The following KLHL13 variants were observed in gnomAD, a reference collection of about 807,000 sequenced individuals.
The protein encoded by KLHL13 is kelch-like protein 13.
In KLHL13, 10 loss-of-function variants were observed where a neutral mutation model predicts 37.1. The observed-to-expected ratio is 0.27, with a 90% CI of 0.17 to 0.46. KLHL13 has a LOEUF of 0.46. Ranked by LOEUF, KLHL13 falls within the 20% of genes least tolerant of loss-of-function variation. The pLI is 1.00. For missense variants in KLHL13, 360 were observed against 509.3 expected, an observed-to-expected ratio of 0.71 and a Z score of 2.82; for synonymous variants, 163 against 181.2, an observed-to-expected ratio of 0.90 and a Z score of 0.81.
exon 5 of KLHL13, chrX:117,909,860 C>A (rs1430328357): frequency 8.3e-7 from 1 of 1,206,445 alleles, no homozygotes; most frequent in African/African-American, 1.7e-5. Context: ...CCATCCGAGG[C>A]TCTTCCAGGC....
chrX:117,985,094 A>T, intron 1 of KLHL13: 1 of 376,324 alleles, frequency 2.7e-6, no homozygotes, highest in Non-Finnish European at 4.5e-6. Flanking sequence ...TGATTTTTGC[A>T]TGGTTACCAA....
At position 118,035,360 on chromosome X, in the gene KLHL13, C is replaced by A. The variant is rs180682652; in HGVS notation, c.-56+81148G>T. 7.6e-3 allele frequency among the ~76,000 whole-genome samples: 820 copies of A among 107,192 alleles called. 2 individuals carry two copies. The highest frequency in any genetic ancestry group is 0.014 in the Admixed American group (140 of 10,270). The allele number at this position is 107,192 out of a possible 115,157, so 93.1% of individuals were successfully genotyped here. On this transcript the variant is annotated intron_variant, in intron 1 of 6. Coordinates refer to the KLHL13 transcript ENST00000371882. ...AATCCTCAATAAAATACTGGCAAAC[C>A]AAACCCAGCAGCACATCAAAAAGCT...
chrX:118,000,985 G>A (rs1432438242), intron 1 of KLHL13, among the ~76,000 whole-genome samples: 2 of 111,845 alleles, frequency 1.8e-5, no homozygotes, highest in Admixed American at 1.9e-4. Context: ...GATTAACATC[G>A]TAAATTTAAT....
At chrX:117,985,703 C>T (rs1227738828) in intron 1 of KLHL13, among the ~76,000 whole-genome samples, 1 of 110,448 alleles carries the variant, frequency 9.1e-6, no homozygotes, top group Non-Finnish European at 1.9e-5. Flanking sequence ...TGAAAGTAAC[C>T]TTATTTTTTT....
intron 4 of KLHL13, 74 bp downstream of exon 5, chrX:117,919,447 A>G: frequency 2.4e-6 from 2 of 831,972 alleles, no homozygotes; most frequent in South Asian, 4.3e-5. Context: ...ATTCCTGCAC[A>G]GCAGATTTCA....
intron 1 of KLHL13, among the ~76,000 whole-genome samples, chrX:117,963,508 A>G (rs1222493195): frequency 9.0e-6 from 1 of 110,538 alleles, no homozygotes; most frequent in African/African-American, 3.3e-5. Context: ...TGCTATTGTG[A>G]ATAGTGCCGC....
intron 1 of KLHL13, among the ~76,000 whole-genome samples, chrX:118,111,658 C>T (rs945327488): frequency 3.6e-5 from 4 of 112,319 alleles, no homozygotes; most frequent in East Asian, 2.8e-4. Flanking sequence ...TTTGGGAGGC[C>T]GAGGCAGGTG....
At position 117,972,732 on chromosome X, in the gene KLHL13, T is replaced by C. The variant is rs1187274227; in HGVS notation, c.97A>G (p.Ile33Val). 1 of 1,195,682 alleles carries C rather than the reference T, an allele frequency of 8.4e-7. No homozygotes were observed. The highest frequency in any genetic ancestry group is 1.1e-6 in the Non-Finnish European group (1 of 881,903). Residue 33 changes from isoleucine (I) to valine (V), a missense_variant and splice_region_variant, in exon 1 of 7, where the codon ATA becomes GTA. This residue lies in a region of KLHL13 where 194 missense variants were observed against 225.0 expected (regional missense o/e 0.86). Transcript: ENST00000262820. ...AATATCCTATTTTCTCTCACTTACA[T>C]GTATGCTGGAGAAAGTGGAGTTGAC...
chrX:118,018,118 T>C (rs1434161501), intron 1 of KLHL13, among the ~76,000 whole-genome samples: 2 of 111,657 alleles, frequency 1.8e-5, no homozygotes, highest in African/African-American at 6.5e-5. Flanking sequence ...TAAAACTTCA[T>C]ATAGGGTAAA....
chrX:118,085,263 G>T (rs1269886117), intron 1 of KLHL13, among the ~76,000 whole-genome samples: 1 of 110,589 alleles, frequency 9.0e-6, no homozygotes, highest in Admixed American at 9.7e-5. Context: ...TTATGCTAAG[G>T]GAAAGAAGCC....
At chrX:118,059,219 G>A (rs1439392035) in intron 1 of KLHL13, among the ~76,000 whole-genome samples, 1 of 111,762 alleles carries the variant, frequency 8.9e-6, no homozygotes, top group East Asian at 2.8e-4. Context: ...CCATGAGTCA[G>A]CAGGAAAAAA....
At chrX:118,009,126 G>A (rs1453421345) in intron 1 of KLHL13, among the ~76,000 whole-genome samples, 1 of 85,800 alleles carries the variant, frequency 1.2e-5, no homozygotes, top group Admixed American at 1.3e-4. Flanking sequence ...ATTTGTTTGA[G>A]TTCATTGTAG....
rs749879869 is a variant in KLHL13, at chrX:118,080,272, C to T, written c.-56+36236G>A. On this transcript the variant is annotated intron_variant, in intron 1 of 6. Coordinates refer to the KLHL13 transcript ENST00000371882. ...TGCAACAAAAACAAAATTTGACAAA[C>T]GAGACCTAATTAAACTAAAGAGCTT... Among the ~76,000 whole-genome samples, 4 of 111,302 alleles carry T rather than the reference C, an allele frequency of 3.6e-5. No homozygotes were observed. In the Admixed American group the frequency reaches 3.8e-4, roughly 11 times the overall value.
chrX:117,990,045 C>A (rs1470341920), intron 1 of KLHL13, among the ~76,000 whole-genome samples: 4 of 111,418 alleles, frequency 3.6e-5, no homozygotes, highest in African/African-American at 1.3e-4. Context: ...GAGGTAGGTT[C>A]TTCCCTCCTC....
intron 2 of KLHL13, among the ~76,000 whole-genome samples, chrX:117,930,290 A>AAGGCAGGAAGGCAGGCAGGCAGGC (rs1932374216): frequency 7.4e-4 from 58 of 77,960 alleles, no homozygotes; most frequent in African/African-American, 1.2e-3. Context: ...GGAAGGAAGG[A>AAGGCAGGAAGGCAGGCAGGCAGGC]AGGCAGGCAG....
At chrX:117,926,826 A>T (rs1309849169) in intron 2 of KLHL13, among the ~76,000 whole-genome samples, 1 of 102,185 alleles carries the variant, frequency 9.8e-6, no homozygotes, top group East Asian at 3.2e-4. Flanking sequence ...GGCATCACGT[A>T]AGCTGGAAAC....
At chrX:118,007,803 T>C (rs1602644402) in intron 1 of KLHL13, among the ~76,000 whole-genome samples, 2 of 111,759 alleles carry the variant, frequency 1.8e-5, no homozygotes, top group Non-Finnish European at 3.8e-5. Flanking sequence ...AAGAGAATCA[T>C]AGTATGCCTA....
At chrX:118,070,551 A>G (rs184068941) in intron 1 of KLHL13, among the ~76,000 whole-genome samples, 21 of 111,120 alleles carry the variant, frequency 1.9e-4, no homozygotes, top group Non-Finnish European at 2.6e-4. Context: ...TACTTGTGAT[A>G]AGACATTTTC....
chrX:117,991,237 T>C (rs2053786642), intron 1 of KLHL13, among the ~76,000 whole-genome samples: 1 of 110,466 alleles, frequency 9.1e-6, no homozygotes, highest in Admixed American at 9.6e-5. Flanking sequence ...ATGTGCTAGT[T>C]GGTAATACAA....
Sources: gnomAD v4.1 joint callset for allele counts (sites outside exome capture counted in the v4.1 genomes callset) on GRCh38, gnomAD v4.1.1 for gene constraint, gnomAD v4.1.1 regional missense constraint, MANE v1.5 for transcripts, NCBI Gene and HGNC (gene_info 2026-07-23, HGNC 2026-07-21) for gene names.